The following SLC7A11 variants were observed in gnomAD, a reference collection of about 807,000 sequenced individuals.
SLC7A11 encodes solute carrier family 7 member 11.
In SLC7A11, 35 loss-of-function variants were observed where a neutral mutation model predicts 54.5. The ratio of observed to expected loss-of-function variants is 0.64; its 90% CI spans 0.49 to 0.85. SLC7A11 has a LOEUF of 0.85. Ranked by LOEUF, SLC7A11 falls within the 40% of genes least tolerant of loss-of-function variation. The probability of loss-of-function intolerance (pLI) is 0.00; values close to 1 mark genes in which losing one functional copy is unlikely to be tolerated. For missense variants in SLC7A11, 583 were observed against 618.1 expected (o/e 0.94, Z 0.60); for synonymous variants, 230 against 225.2 (o/e 1.02, Z -0.19).
At chr4:138,225,447 T>A (rs567107679) in intron 3 of SLC7A11, among the ~76,000 whole-genome samples, 1 of 152,010 alleles carries the variant, frequency 6.6e-6, no homozygotes, top group Admixed American at 6.6e-5. Flanking sequence ...GGGGGGTTAT[T>A]TCATCTGTGT....
intron 2 of SLC7A11, among the ~76,000 whole-genome samples, chr4:138,235,361 A>G (rs1199959367): frequency 6.6e-6 from 1 of 152,032 alleles, no homozygotes; most frequent in African/African-American, 2.4e-5. Flanking sequence ...TTTAAAATGA[A>G]AAAGCCTTCA....
chr4:138,189,758 A>G (rs1005452326), intron 6 of SLC7A11, among the ~76,000 whole-genome samples: 2 of 152,138 alleles, frequency 1.3e-5, no homozygotes, highest in Non-Finnish European at 2.9e-5. Flanking sequence ...ATGCTTTGCA[A>G]CTCTATCATG....
rs1309665606 is a variant in SLC7A11 at position 138,228,442 on chromosome 4, ATGAACTT to A, written c.520+3818_520+3824del. Among the ~76,000 whole-genome samples the A allele has an allele frequency of 2.0e-5, 3 of 152,138 alleles. No individual in the cohort carries two copies. In the East Asian group the frequency reaches 5.8e-4, roughly 29 times the overall value. On this transcript the variant is annotated intron_variant, in intron 3 of 11. Transcript: ENST00000280612. ...GAATCTATAAAAGCAGTGAAAATTC[ATGAACTT>A]CTACAGAAGGTGAAGAAAGTAATTA...
chr4:138,205,276 T>C (rs1399939818), intron 6 of SLC7A11, among the ~76,000 whole-genome samples: 1 of 152,060 alleles, frequency 6.6e-6, no homozygotes, highest in African/African-American at 2.4e-5. Context: ...ATAGTTCATA[T>C]AAGTAAAGAA....
chr4:138,237,739 T>TATATATATATATATACATA (rs1738270196), intron 1 of SLC7A11, among the ~76,000 whole-genome samples: 1 of 9,204 alleles, frequency 1.1e-4, no homozygotes, highest in Non-Finnish European at 1.8e-4. Flanking sequence ...ATATATATAT[T>TATATATATATATATACATA]TTTTTTTTTT....
At chr4:138,205,075 T>C (rs1050444560) in intron 6 of SLC7A11, among the ~76,000 whole-genome samples, 1 of 152,040 alleles carries the variant, frequency 6.6e-6, no homozygotes, top group South Asian at 2.1e-4. Context: ...ATTTCACATA[T>C]TTTATCCTCA....
At chr4:138,233,645 A>G (rs1738136439) in intron 2 of SLC7A11, among the ~76,000 whole-genome samples, 1 of 152,018 alleles carries the variant, frequency 6.6e-6, no homozygotes, top group Non-Finnish European at 1.5e-5. Flanking sequence ...AAGGTTTTTC[A>G]TTTTCTTCTT....
chr4:138,227,526 CAT>C (rs1289912700), intron 3 of SLC7A11, among the ~76,000 whole-genome samples: 1 of 152,144 alleles, frequency 6.6e-6, no homozygotes, highest in African/African-American at 2.4e-5. Context: ...ATTTAATCCT[CAT>C]ATCTCTATGA....
Position 138,207,449 on chromosome 4 carries a change from A to T in SLC7A11, c.791+7136T>A, listed in dbSNP as rs1319969134. ...GCTAGGTGTGGTGGCTCACACCTGT[A>T]ATCCCAGCACTTTGGGAGGCTGAGG... is the stretch of plus-strand genomic sequence containing the variant. On this transcript the variant is annotated intron_variant, in intron 6 of 11. Transcript: ENST00000280612. Among the ~76,000 whole-genome samples, 3 of 152,242 alleles carry T rather than the reference A, an allele frequency of 2.0e-5. No individual in the cohort carries two copies. In the East Asian group the frequency reaches 5.8e-4, roughly 29 times the overall value.
At chr4:138,229,471 C>A (rs1738023226) in intron 3 of SLC7A11, among the ~76,000 whole-genome samples, 1 of 152,174 alleles carries the variant, frequency 6.6e-6, no homozygotes, top group Non-Finnish European at 1.5e-5. Flanking sequence ...GAATTTCAAG[C>A]TTGCAAAAGG....
chr4:138,210,945 C>T (rs1737530271), intron 6 of SLC7A11, among the ~76,000 whole-genome samples: 1 of 152,012 alleles, frequency 6.6e-6, no homozygotes, highest in Non-Finnish European at 1.5e-5. Flanking sequence ...CACATGCACT[C>T]ATAAGTTTAT....
intron 11 of SLC7A11, among the ~76,000 whole-genome samples, chr4:138,175,072 T>C (rs888247237): frequency 2.0e-5 from 3 of 152,160 alleles, no homozygotes; most frequent in South Asian, 2.1e-4. Flanking sequence ...TGAAGATAGT[T>C]TGGACCCCTA....
chr4:138,182,340 A>G lies in SLC7A11; in HGVS notation c.1073T>C (p.Ile358Thr). The G allele has an allele frequency of 1.2e-6, 2 of 1,612,278 alleles. No individual in the cohort carries two copies. The highest frequency in any genetic ancestry group is 1.7e-6 in the Non-Finnish European group (2 of 1,178,710). Residue 358 changes from isoleucine (I) to threonine (T), a missense_variant, in exon 9 of 12, where the codon ATT becomes ACT. Ile to Thr is a moderately conservative substitution (Grantham distance 89). Transcript: ENST00000280612. Reference protein sequence around the residue: ...EGHLPEILSMIHVRKHTPLPA... With the variant: ...EGHLPEILSMTHVRKHTPLPA... ...TAGAGGAGTGTGCTTGCGGACATGA[A>G]TCATGGAGAGGATTTCTGGAAGGTG...
At chr4:138,197,041 C>G (rs1034431596) in intron 6 of SLC7A11, among the ~76,000 whole-genome samples, 1 of 152,130 alleles carries the variant, frequency 6.6e-6, no homozygotes, top group Non-Finnish European at 1.5e-5. Context: ...TCTACAGATA[C>G]TTGGTTCAAA....
chr4:138,191,087 A>C (rs1238368817), intron 6 of SLC7A11, among the ~76,000 whole-genome samples: 2 of 152,200 alleles, frequency 1.3e-5, no homozygotes, highest in Admixed American at 6.5e-5. Flanking sequence ...CACTGAAAAA[A>C]ATATAGCAAG....
At chr4:138,172,072 A>G in intron 11 of SLC7A11, 55 bp from the exon 12 acceptor site, 1 of 1,538,956 alleles carries the variant, frequency 6.5e-7, no homozygotes, top group Non-Finnish European at 8.8e-7. Flanking sequence ...ATGCATTAAA[A>G]ATAGCAAAAT....
In SLC7A11 at chr4:138,183,327, C is replaced by G. The variant is rs1736794005; in HGVS notation, c.916-22G>C. 2.0e-6 allele frequency: 3 copies of G among 1,490,944 alleles called. No homozygotes were observed. The East Asian group carries it at 6.9e-5, about 35-fold the overall frequency. 92.4% of individuals were successfully genotyped at this position (1,490,944 alleles called of 1,614,324 possible). On this transcript the variant is annotated intron_variant, in intron 7 of 11. Coordinates refer to ENST00000280612, the MANE Select transcript of SLC7A11 (RefSeq NM_014331.4). ...AGGTCTAGTGAAAGAAAGAACGAAG[C>G]AAATTAATGCCTTGCCAGAAAGTGG...
Position 138,236,330 on chromosome 4 carries a change from T to C in SLC7A11, c.399A>G (p.Ile133Met). ...TCTTTCTACTATGCTCTTACCGTAT[T>C]ATGAGGAGTTCCACCCAGACTCGTA... ...AFVRVWVELL[I>M]IRPAATAVIS... Residue 133 changes from isoleucine to methionine, a missense_variant, in exon 2 of 12, where the codon ATA (isoleucine) becomes ATG (methionine). By Grantham distance (10) the Ile-to-Met change is conservative. Transcript: ENST00000280612. 3 of 1,610,636 alleles carry C rather than the reference T, an allele frequency of 1.9e-6. No individual in the cohort carries two copies. Among genetic ancestry groups the C allele is most frequent in the Non-Finnish European group, 2.5e-6 (3 of 1,178,808 alleles).
At position 138,168,560 on chromosome 4, in the gene SLC7A11, C is replaced by A. The variant is rs1192304090; in HGVS notation, c.*3396G>T. The A allele has an allele frequency of 1.3e-5, 2 of 152,142 alleles. No individual in the cohort carries two copies. Among genetic ancestry groups the A allele is most frequent in the African/African-American group, 4.8e-5 (2 of 41,434 alleles). 9.4% of individuals were successfully genotyped at this position (152,142 alleles called of 1,614,324 possible). On this transcript the variant is annotated 3_prime_UTR_variant, in exon 12 of 12. Transcript: ENST00000280612. ...TGTTATGTAATTATACTCTTGTTAA[C>A]CCTCTATTGATATGTCAAATTGTAA...
Sources: gnomAD v4.1 joint callset for allele counts (sites outside exome capture counted in the v4.1 genomes callset) on GRCh38, gnomAD v4.1.1 for gene constraint, MANE v1.5 for transcripts, NCBI Gene and HGNC (gene_info 2026-07-23, HGNC 2026-07-21) for gene names.